The following PRKDC variants were observed in gnomAD, a reference collection of about 807,000 sequenced individuals.
PRKDC encodes protein kinase, DNA-activated, catalytic subunit, also known as DNA-dependent protein kinase catalytic subunit.
PRKDC carries 82 observed loss-of-function variants against 486.9 expected under a neutral mutation model. The ratio of observed to expected loss-of-function variants is 0.17; its 90% CI spans 0.14 to 0.20. PRKDC has a LOEUF of 0.20. Ranked by LOEUF, PRKDC falls within the 10% of genes least tolerant of loss-of-function variation. The pLI, the probability that PRKDC is intolerant of heterozygous loss-of-function variation, is 1.00. For missense variants in PRKDC, 4,504 were observed against 5,038.2 expected, an observed-to-expected ratio of 0.89 and a Z score of 3.21; for synonymous variants, 1,895 against 1,837.0, an observed-to-expected ratio of 1.03 and a Z score of -0.81.
In PRKDC at chr8:47,960,067, G is replaced by C. The variant is rs546052637; in HGVS notation, c.60C>G (p.Ser20=). ...CSLLRLQETL[S]AADRCGAALA... ...GGGCAGCACCGCAGCGGTCCGCAGC[G>C]GACAAGGTCTCCTGCAGCCGCAGCA... Residue 20 remains serine (S), a synonymous_variant, in exon 1 of 86, where the codon TCC becomes TCG. Transcript: ENST00000314191. 6.5e-7 allele frequency: 1 copy of C among 1,531,618 alleles called. No homozygotes were observed. Among genetic ancestry groups the C allele is most frequent in the Admixed American group, 2.0e-5 (1 of 50,924 alleles). The allele number at this position is 1,531,618 out of a possible 1,614,324, so 94.9% of individuals were successfully genotyped here. A position where few individuals can be genotyped will look rare whatever the true frequency, so the allele number is the denominator to read the frequency against.
At chr8:47,815,949 C>T (rs985157828) in intron 68 of PRKDC, among the ~76,000 whole-genome samples, 3 of 152,178 alleles carry the variant, frequency 2.0e-5, no homozygotes, top group Admixed American at 1.3e-4. Flanking sequence ...GTAAGTAATG[C>T]CTGTAATCCC....
chr8:47,959,986 G>A lies in PRKDC; in HGVS notation c.141C>T (p.Ser47=). 1.3e-6 allele frequency: 2 copies of A among 1,535,100 alleles called. No individual in the cohort carries two copies. The highest frequency in any genetic ancestry group is 1.7e-6 in the Non-Finnish European group (2 of 1,146,766). Residue 47 remains serine, a synonymous_variant, in exon 1 of 86, where the codon AGC becomes AGT. Transcript: ENST00000314191. The part of the protein sequence containing the change: ...GLGQECVLSS[S]PAVLALQTSL... ...GCCGGTACCCACCCAGCACCGCGGG[G>A]CTGCTGCTCAGGACGCATTCCTGCC...
At chr8:47,956,459 C>T (rs972665932) in intron 3 of PRKDC, among the ~76,000 whole-genome samples, 3 of 150,054 alleles carry the variant, frequency 2.0e-5, no homozygotes, top group African/African-American at 4.9e-5. Flanking sequence ...ATTTGGGAGG[C>T]GGAGACGGGA....
intron 7 of PRKDC, among the ~76,000 whole-genome samples, chr8:47,946,893 C>A (rs945563638): frequency 3.3e-5 from 5 of 152,182 alleles, no homozygotes; most frequent in Non-Finnish European, 7.3e-5. Flanking sequence ...CAATCCTACA[C>A]TAACTCACAT....
intron 69 of PRKDC, among the ~76,000 whole-genome samples, chr8:47,804,625 G>A (rs766026303): frequency 2.6e-5 from 4 of 152,088 alleles, no homozygotes; most frequent in Non-Finnish European, 5.9e-5. Context: ...TATTTGGGTT[G>A]TTTCCACCTT....
intron 44 of PRKDC, 41 bp downstream of exon 44, chr8:47,862,021 G>C: frequency 6.9e-7 from 1 of 1,446,162 alleles, no homozygotes; most frequent in Non-Finnish European, 9.4e-7. Context: ...TTCTTTGTGA[G>C]CACTTGATAA....
intron 68 of PRKDC, among the ~76,000 whole-genome samples, chr8:47,815,304 C>G (rs2087419468): frequency 6.6e-6 from 1 of 152,046 alleles, no homozygotes; most frequent in Admixed American, 6.6e-5. Flanking sequence ...AATTGAGTTT[C>G]AAAAAAATTG....
chr8:47,832,046 G>A (rs541333661), intron 59 of PRKDC, 120 bp from the exon 60 acceptor site: 27 of 821,228 alleles, frequency 3.3e-5, no homozygotes, highest in Non-Finnish European at 4.5e-5. Context: ...GGCAGCGACC[G>A]GGAGCAGGAG....
chr8:47,943,137 G>T, intron 10 of PRKDC, 72 bp downstream of exon 10: 2 of 1,473,254 alleles, frequency 1.4e-6, no homozygotes, highest in Non-Finnish European at 1.8e-6. Flanking sequence ...TTTCAAACAT[G>T]CATGCATGCA....
At chr8:47,897,364 A>G in intron 29 of PRKDC, 70 bp from the exon 30 acceptor site, 4 of 1,391,170 alleles carry the variant, frequency 2.9e-6, no homozygotes, top group Non-Finnish European at 3.8e-6. Flanking sequence ...AGGCTCTAGA[A>G]ATCATAAACT....
chr8:47,946,356 C>T (rs1298808373), intron 7 of PRKDC, among the ~76,000 whole-genome samples: 1 of 152,096 alleles, frequency 6.6e-6, no homozygotes, highest in African/African-American at 2.4e-5. Context: ...CTCCCATCAG[C>T]CACAGCCCAT....
rs903433482 is a variant in PRKDC, at chr8:47,849,194, G to C, written c.7240C>G (p.Gln2414Glu). ...RVEGMTELYFQLKSKDFVQVM... is the reference protein window; with the variant it reads ...RVEGMTELYFELKSKDFVQVM... Reference sequence around the variant, plus strand: ...TGAACGAAGTCCTTGCTCTTTAACTGGAAGTACAGCTCTGTCATTCCCTCC... The same window carrying C: ...TGAACGAAGTCCTTGCTCTTTAACTCGAAGTACAGCTCTGTCATTCCCTCC... The change falls in exon 54 of 86, where the codon CAG becomes GAG. Residue 2414 changes from glutamine (Q) to glutamate (E), a missense_variant. Physicochemically the swap from Gln to Glu is conservative, Grantham distance 29 (BLOSUM62 2). Transcript: ENST00000314191. 2 of 1,613,876 alleles carry C rather than the reference G, an allele frequency of 1.2e-6. No homozygotes were observed. Among genetic ancestry groups the C allele is most frequent in the African/African-American group, 2.7e-5 (2 of 74,908 alleles).
Position 47,803,483 on chromosome 8 carries a change from G to A in PRKDC, c.9748-3C>T, listed in dbSNP as rs1423272685. On this transcript the variant is annotated splice_polypyrimidine_tract_variant and splice_region_variant and intron_variant, in intron 69 of 85. Transcript: ENST00000314191. ...TTCATAGCAAGTGAGAAATTGTTCTGTATGAATACAATAAAAAGAGAGAAG... is the reference window on the plus strand; with the variant it reads ...TTCATAGCAAGTGAGAAATTGTTCTATATGAATACAATAAAAAGAGAGAAG... 6.2e-6 allele frequency: 10 copies of A among 1,613,400 alleles called. No homozygotes were observed. The highest frequency in any genetic ancestry group is 8.5e-6 in the Non-Finnish European group (10 of 1,179,534).
Position 47,854,119 on chromosome 8 carries a change from G to A in PRKDC, c.6857C>T (p.Pro2286Leu), listed in dbSNP as rs373065028. 1 of 1,613,956 alleles carries A rather than the reference G, an allele frequency of 6.2e-7. No individual in the cohort carries two copies. Among genetic ancestry groups the A allele is most frequent in the Non-Finnish European group, 8.5e-7 (1 of 1,179,862 alleles). ...LLGIVMANDL[P>L]PYDPQCGIQS... ...GATGCCACACTGTGGGTCATAGGGA[G>A]GCAGGTCATTGGCCATCACGATGCC... is the stretch of plus-strand genomic sequence containing the variant. Residue 2286 changes from proline (P) to leucine (L), a missense_variant, in exon 51 of 86, where the codon CCT (proline) becomes CTT (leucine). This residue lies in a region of PRKDC where 1,592 missense variants were observed against 1,724.6 expected (regional missense o/e 0.92). Coordinates refer to ENST00000314191, the MANE Select transcript of PRKDC (RefSeq NM_006904.7).
At chr8:47,876,914 T>C (rs1238585019) in intron 40 of PRKDC, among the ~76,000 whole-genome samples, 3 of 152,176 alleles carry the variant, frequency 2.0e-5, no homozygotes, top group Admixed American at 6.5e-5. Context: ...ATCATGCACA[T>C]GGCTAGTCAA....
rs370138456 is a variant in PRKDC at position 47,870,250 on chromosome 8, T to G, written c.5364-5487A>C. Among the ~76,000 whole-genome samples, 359 of 152,344 alleles carry G rather than the reference T, an allele frequency of 2.4e-3. 4 individuals carry two copies. In the South Asian group the frequency reaches 0.024, roughly 10 times the overall value. The stretch of plus-strand genomic sequence containing the variant: ...AGTGAGACCCAGTGCTGTGCTGTGC[T>G]GTGCTTCAGGTCTGACCTCATGCAG... On this transcript the variant is annotated intron_variant, in intron 40 of 85. Transcript: ENST00000314191.
intron 59 of PRKDC, 74 bp from the exon 60 acceptor site, chr8:47,832,000 G>A (rs773879275): frequency 7.2e-7 from 1 of 1,387,680 alleles, no homozygotes; most frequent in African/African-American, 1.4e-5. Flanking sequence ...TTTCACCTCG[G>A]GTTTCCTCAA....
intron 78 of PRKDC, 28 bp downstream of exon 78, chr8:47,783,714 G>A: frequency 6.2e-7 from 1 of 1,612,352 alleles, no homozygotes. Context: ...ATCAGGACAG[G>A]GACTGGGTCA....
intron 62 of PRKDC, 131 bp downstream of exon 62, chr8:47,828,037 A>T (rs2087775966): frequency 1.2e-5 from 10 of 835,862 alleles, no homozygotes; most frequent in Non-Finnish European, 1.7e-5. Flanking sequence ...GTGGTAACCC[A>T]AATAGTACAT....
Sources: allele counts gnomAD v4.1 joint callset (sites outside exome capture counted in the v4.1 genomes callset), GRCh38; gene constraint gnomAD v4.1.1; regional missense constraint gnomAD v4.1.1; transcripts MANE v1.5; gene names NCBI Gene and HGNC (gene_info 2026-07-23, HGNC 2026-07-21).